The following ARHGAP18 variants were observed in gnomAD, a reference collection of about 807,000 sequenced individuals.
ARHGAP18 encodes Rho GTPase activating protein 18, also known as rho GTPase-activating protein 18.
In ARHGAP18, 67 loss-of-function variants were observed where a neutral mutation model predicts 86.2. The observed-to-expected ratio is 0.78, with a 90% CI of 0.64 to 0.95. ARHGAP18 has a LOEUF of 0.95. Ranked by LOEUF, ARHGAP18 falls within the 40% of genes least tolerant of loss-of-function variation. The pLI is 0.00. For missense variants in ARHGAP18, 691 were observed against 780.4 expected (o/e 0.89, Z 1.37); for synonymous variants, 283 against 280.4 (o/e 1.01, Z -0.09).
In ARHGAP18 at chr6:129,651,985, C is replaced by T. The variant is rs181341376; in HGVS notation, c.114-9967G>A. 3.3e-5 allele frequency among the ~76,000 whole-genome samples: 5 copies of T among 152,346 alleles called. No individual in the cohort carries two copies. In the East Asian group the frequency reaches 9.6e-4, roughly 29 times the overall value. The stretch of plus-strand genomic sequence containing the variant: ...ATGTGAAGGACATGGTGAGAAGGTG[C>T]CATCCGTGAGAAAGCCAGCCCTTCC... On this transcript the variant is annotated intron_variant, in intron 1 of 14. Coordinates refer to ENST00000368149, the MANE Select transcript of ARHGAP18 (RefSeq NM_033515.3).
At chr6:129,607,132 G>A (rs188065072) in intron 9 of ARHGAP18, among the ~76,000 whole-genome samples, 1 of 152,122 alleles carries the variant, frequency 6.6e-6, no homozygotes, top group East Asian at 1.9e-4. Flanking sequence ...AGTGCTGGGA[G>A]CTCACCATAA....
chr6:129,642,820 G>A (rs1773496368), intron 1 of ARHGAP18, among the ~76,000 whole-genome samples: 1 of 151,964 alleles, frequency 6.6e-6, no homozygotes, highest in African/African-American at 2.4e-5. Context: ...GATGATTTAA[G>A]TTTGCTGTTA....
At chr6:129,615,507 T>C (rs1004942965) in intron 7 of ARHGAP18, among the ~76,000 whole-genome samples, 2 of 152,210 alleles carry the variant, frequency 1.3e-5, no homozygotes, top group Non-Finnish European at 2.9e-5. Context: ...GCCAATTAAC[T>C]GCAAATCAAT....
Position 129,629,363 on chromosome 6 carries a change from G to T in ARHGAP18, c.776C>A (p.Ala259Asp), listed in dbSNP as rs1773137046. 2 of 1,613,320 alleles carry T rather than the reference G, an allele frequency of 1.2e-6. No individual in the cohort carries two copies. Among genetic ancestry groups the T allele is most frequent in the South Asian group, 2.2e-5 (2 of 91,018 alleles). Residue 259 changes from alanine to aspartate, a missense_variant, in exon 5 of 15, where the codon GCC (alanine) becomes GAC (aspartate). Coordinates refer to ENST00000368149, the MANE Select transcript of ARHGAP18 (RefSeq NM_033515.3). ...EKIQKSKGDD[A>D]TLPSFRLPKD... ...GAGTGTACTACGTACAGGTAATGTGGCATCATCGCCTTTGCTCTTCTGGAT... is the reference window on the plus strand; with the variant it reads ...GAGTGTACTACGTACAGGTAATGTGTCATCATCGCCTTTGCTCTTCTGGAT...
At chr6:129,633,859 A>G (rs1562702698) in intron 4 of ARHGAP18, among the ~76,000 whole-genome samples, 183 bp downstream of exon 4, 1 of 152,248 alleles carries the variant, frequency 6.6e-6, no homozygotes, top group South Asian at 2.1e-4. Context: ...AGGAATACAC[A>G]TTAAAAGAAA....
intron 1 of ARHGAP18, among the ~76,000 whole-genome samples, chr6:129,650,312 G>A (rs551411144): frequency 3.3e-5 from 5 of 152,182 alleles, no homozygotes; most frequent in East Asian, 1.9e-4. Context: ...GGCCTAGAAC[G>A]AAACGAATAT....
intron 1 of ARHGAP18, among the ~76,000 whole-genome samples, chr6:129,663,678 A>T (rs1484504532): frequency 1.3e-5 from 2 of 152,234 alleles, no homozygotes; most frequent in Admixed American, 6.5e-5. Flanking sequence ...CACCAGGGTA[A>T]TAAAGACAGG....
chr6:129,699,280 T>C (rs566093143), intron 1 of ARHGAP18, among the ~76,000 whole-genome samples: 72 of 152,298 alleles, frequency 4.7e-4, no homozygotes, highest in African/African-American at 1.2e-3. Context: ...TAATCCCTAA[T>C]AGAAGACAGG....
intron 14 of ARHGAP18, 132 bp from the exon 15 acceptor site, chr6:129,578,736 G>A (rs1364774749): frequency 1.6e-6 from 1 of 625,090 alleles, no homozygotes; most frequent in Non-Finnish European, 2.6e-6. Context: ...GGCCGAGGTG[G>A]GCAGATTGGT....
chr6:129,687,524 C>T lies in ARHGAP18; in HGVS notation c.113+22500G>A, dbSNP rs116921797. Among the ~76,000 whole-genome samples, 12 of 152,228 alleles carry T rather than the reference C, an allele frequency of 7.9e-5. No homozygotes were observed. The East Asian group carries it at 2.1e-3, about 27-fold the overall frequency. On this transcript the variant is annotated intron_variant, in intron 1 of 14. Coordinates refer to ENST00000368149, the MANE Select transcript of ARHGAP18 (RefSeq NM_033515.3). ...TATCAAAGCAGGGCTGTACTGAGGA[C>T]GCACCTTCATTCTCTTCCCAGAACA... is the stretch of plus-strand genomic sequence containing the variant.
At position 129,641,856 on chromosome 6, in the gene ARHGAP18, G is replaced by A. The variant is rs1214375163; in HGVS notation, c.276C>T (p.Ser92=). 6.2e-7 allele frequency: 1 copy of A among 1,613,532 alleles called. No individual in the cohort carries two copies. Among genetic ancestry groups the A allele is most frequent in the Non-Finnish European group, 8.5e-7 (1 of 1,179,856 alleles). ...CAACAACCACCTCTTGATCTTCTTG[G>A]CTGTTTTCACTAGATTTCTTGATGT... ...LENIKKSSEN[S]QEDQEVVVVK... Residue 92 remains serine (S), a synonymous_variant, in exon 2 of 15, where the codon AGC becomes AGT. Coordinates refer to ENST00000368149, the MANE Select transcript of ARHGAP18 (RefSeq NM_033515.3).
chr6:129,582,388 C>A (rs1279236485), intron 13 of ARHGAP18, among the ~76,000 whole-genome samples: 1 of 152,134 alleles, frequency 6.6e-6, no homozygotes, highest in Non-Finnish European at 1.5e-5. Flanking sequence ...CTAAATTGAG[C>A]ACTTGGGTCC....
In ARHGAP18 at chr6:129,600,657, T is replaced by C; in HGVS notation, c.1557A>G (p.Gln519=). ...ANTMHLLIKY[Q]KLLWTIPKFI... Reference sequence around the variant, plus strand: ...ATATACTTACTGTCCACAGAAGTTTTTGGTACTTAATCAATAAGTGCATGG... The same window carrying C: ...ATATACTTACTGTCCACAGAAGTTTCTGGTACTTAATCAATAAGTGCATGG... Residue 519 remains glutamine, a synonymous_variant, in exon 11 of 15, where the codon CAA becomes CAG. Coordinates refer to ENST00000368149, the MANE Select transcript of ARHGAP18 (RefSeq NM_033515.3). The C allele has an allele frequency of 1.9e-6, 3 of 1,613,314 alleles. No homozygotes were observed. In the African/African-American group the frequency reaches 4.0e-5, roughly 22 times the overall value.
chr6:129,708,238 C>A (rs773610805), intron 1 of ARHGAP18, among the ~76,000 whole-genome samples: 2 of 152,168 alleles, frequency 1.3e-5, no homozygotes, highest in Non-Finnish European at 2.9e-5. Flanking sequence ...ATCCCTAGAA[C>A]TAATTCAGTG....
chr6:129,662,677 A>G (rs1481681714), intron 1 of ARHGAP18, among the ~76,000 whole-genome samples: 1 of 152,210 alleles, frequency 6.6e-6, no homozygotes, highest in African/African-American at 2.4e-5. Context: ...CTGTTTGGTT[A>G]AAATCAGGGT....
At chr6:129,604,212 C>G (rs1042127095) in intron 10 of ARHGAP18, among the ~76,000 whole-genome samples, 1 of 148,406 alleles carries the variant, frequency 6.7e-6, no homozygotes, top group Admixed American at 6.8e-5. Context: ...TCCCCCCCCC[C>G]TTAATTATAA....
At chr6:129,597,175 T>A (rs548683077) in intron 12 of ARHGAP18, among the ~76,000 whole-genome samples, 1 of 151,702 alleles carries the variant, frequency 6.6e-6, no homozygotes, top group East Asian at 1.9e-4. Context: ...AGATGAAGTC[T>A]CACTCTGTCA....
chr6:129,587,110 C>T (rs1240020800), intron 12 of ARHGAP18, among the ~76,000 whole-genome samples: 1 of 152,054 alleles, frequency 6.6e-6, no homozygotes, highest in Non-Finnish European at 1.5e-5. Context: ...TTCATTTTTA[C>T]TAACAATGAT....
At chr6:129,676,915 C>CTTTTTTTTTTTTTTTTTT (rs10688716) in intron 1 of ARHGAP18, among the ~76,000 whole-genome samples, 19 of 37,992 alleles carry the variant, frequency 5.0e-4, no homozygotes, top group South Asian at 1.2e-3. Context: ...TTTTTGTCCT[C>CTTTTTTTTTTTTTTTTTT]TTTTTTTTTT....
Sources: gnomAD v4.1 joint callset for allele counts (sites outside exome capture counted in the v4.1 genomes callset) on GRCh38, gnomAD v4.1.1 for gene constraint, MANE v1.5 for transcripts, NCBI Gene and HGNC (gene_info 2026-07-23, HGNC 2026-07-21) for gene names.